Variants in MS4A12 observed in about 807,000 individuals in gnomAD.
The protein encoded by MS4A12 is membrane spanning 4-domains A12, also known as membrane-spanning 4-domains subfamily A member 12.
Under a neutral mutation model 23.7 loss-of-function variants are expected in MS4A12, and 28 were observed. The ratio of observed to expected loss-of-function variants is 1.18; its 90% CI spans 0.88 to 1.62. The LOEUF (loss-of-function observed/expected upper bound fraction) is 1.62, where lower values mean the gene tolerates loss of function less well. Ranked by LOEUF, MS4A12 falls within the 40% of genes most tolerant of loss-of-function variation. MS4A12 has a pLI of 0.00. For synonymous variants in MS4A12, 108 were observed against 110.1 expected (o/e 0.98, Z 0.12); for missense variants, 342 against 327.0 (o/e 1.05, Z -0.35).
rs780842864 is a variant in MS4A12, at chr11:60,497,465, T to C, written c.147T>C (p.Ala49=). 1.2e-6 allele frequency: 2 copies of C among 1,614,190 alleles called. No individual in the cohort carries two copies. The highest frequency in any genetic ancestry group is 3.3e-5 in the Admixed American group (2 of 60,026). The change falls in exon 2 of 7, where the codon GCT becomes GCC. Residue 49 remains alanine, a synonymous_variant. Coordinates refer to ENST00000016913, the MANE Select transcript of MS4A12 (RefSeq NM_017716.3). ...LENQAQGAQR[A]QPYGITSPGI... ...ACCAAGCTCAGGGTGCTCAGCGTGC[T>C]CAGCCCTACGGCATCACATCTCCGG...
chr11:60,505,387 A>G (rs2086562325), intron 5 of MS4A12, among the ~76,000 whole-genome samples: 1 of 152,152 alleles, frequency 6.6e-6, no homozygotes, highest in Non-Finnish European at 1.5e-5. Flanking sequence ...ACAAGATGAG[A>G]TTTGGGTGGG....
intron 1 of MS4A12, among the ~76,000 whole-genome samples, chr11:60,495,831 A>C (rs2086483862): frequency 6.6e-6 from 1 of 152,218 alleles, no homozygotes; most frequent in Admixed American, 6.5e-5. Flanking sequence ...ATCACAAAGA[A>C]GTTAATCCGG....
At chr11:60,494,254 T>C (rs1234108862) in intron 1 of MS4A12, among the ~76,000 whole-genome samples, 1 of 152,192 alleles carries the variant, frequency 6.6e-6, no homozygotes, top group Non-Finnish European at 1.5e-5. Flanking sequence ...TAATCTGGGT[T>C]CTATGTGAAA....
intron 1 of MS4A12, among the ~76,000 whole-genome samples, chr11:60,494,993 T>C (rs1434327066): frequency 7.9e-6 from 1 of 126,282 alleles, no homozygotes; most frequent in Non-Finnish European, 1.6e-5. Flanking sequence ...CAAATGTGTT[T>C]ACATTTTTTT....
intron 4 of MS4A12, among the ~76,000 whole-genome samples, chr11:60,503,455 A>G (rs779661198): frequency 1.3e-5 from 2 of 152,202 alleles, no homozygotes; most frequent in Non-Finnish European, 2.9e-5. Flanking sequence ...GTAAAATCCA[A>G]TAGATGAGTG....
In MS4A12 at chr11:60,499,603, A is replaced by G. The variant is rs542430024; in HGVS notation, c.277-1442A>G. ...GTGCAAGAATAATTTTTCAGGGAGAAAGGTTCATGGTTTTTATTGATGTCT... is the reference window on the plus strand; with the variant it reads ...GTGCAAGAATAATTTTTCAGGGAGAGAGGTTCATGGTTTTTATTGATGTCT... On this transcript the variant is annotated intron_variant, in intron 2 of 6. Coordinates refer to ENST00000016913, the MANE Select transcript of MS4A12 (RefSeq NM_017716.3). 8.5e-5 allele frequency among the ~76,000 whole-genome samples: 13 copies of G among 152,334 alleles called. No homozygotes were observed. The South Asian group carries it at 2.7e-3, about 32-fold the overall frequency.
chr11:60,500,045 C>T (rs2086518115), intron 2 of MS4A12, among the ~76,000 whole-genome samples: 1 of 99,734 alleles, frequency 1.0e-5, no homozygotes, highest in African/African-American at 4.0e-5. Flanking sequence ...CCAGACCTTC[C>T]TGGCTAACCC....
intron 1 of MS4A12, among the ~76,000 whole-genome samples, chr11:60,493,583 C>T (rs1402609133): frequency 6.6e-6 from 1 of 152,120 alleles, no homozygotes; most frequent in Non-Finnish European, 1.5e-5. Flanking sequence ...GTACTTCTTT[C>T]TGACAAGAAA....
intron 4 of MS4A12, among the ~76,000 whole-genome samples, chr11:60,502,716 AAAG>A (rs1280360375): frequency 3.9e-5 from 6 of 152,250 alleles, no homozygotes; most frequent in Admixed American, 3.9e-4. Flanking sequence ...CCAGTACAAG[AAAG>A]AAGAACGGGG....
chr11:60,501,570 C>T (rs1036271316), intron 3 of MS4A12, among the ~76,000 whole-genome samples: 3 of 152,004 alleles, frequency 2.0e-5, no homozygotes, highest in African/African-American at 7.3e-5. Context: ...GCAAGTAAGC[C>T]AGGCATAGTG....
chr11:60,506,379 CT>C (rs1450375341), intron 5 of MS4A12, among the ~76,000 whole-genome samples: 1 of 152,088 alleles, frequency 6.6e-6, no homozygotes, highest in Non-Finnish European at 1.5e-5. Context: ...TTTCTAAACA[CT>C]GGCATTTGGA....
At chr11:60,493,984 T>G (rs879721104) in intron 1 of MS4A12, among the ~76,000 whole-genome samples, 1 of 152,102 alleles carries the variant, frequency 6.6e-6, no homozygotes, top group African/African-American at 2.4e-5. Context: ...ATTCTTATTT[T>G]TAAAAAAAGG....
Position 60,503,787 on chromosome 11 carries a change from T to A in MS4A12, c.558T>A (p.Asn186Lys). 1 of 1,613,980 alleles carries A rather than the reference T, an allele frequency of 6.2e-7. No individual in the cohort carries two copies. The change falls in exon 5 of 7, where the codon AAT (asparagine) becomes AAA (lysine). Residue 186 changes from asparagine (N) to lysine (K), a missense_variant. Coordinates refer to ENST00000016913, the MANE Select transcript of MS4A12 (RefSeq NM_017716.3). Reference protein sequence around the residue: ...VILLLVDMCINGVAGQDYWAV... With the variant: ...VILLLVDMCIKGVAGQDYWAV... ...TGCTGCTGGTGGATATGTGCATCAATGGGGTAGCTGGCCAAGACTACTGGG... is the reference window on the plus strand; with the variant it reads ...TGCTGCTGGTGGATATGTGCATCAAAGGGGTAGCTGGCCAAGACTACTGGG...
intron 5 of MS4A12, among the ~76,000 whole-genome samples, chr11:60,504,804 T>G (rs1372207970): frequency 6.6e-6 from 1 of 152,058 alleles, no homozygotes; most frequent in Non-Finnish European, 1.5e-5. Context: ...AACTAAAGGG[T>G]TCTGAAATCC....
At chr11:60,497,824 A>T (rs752468651) in intron 2 of MS4A12, 1 of 496,696 alleles carries the variant, frequency 2.0e-6, no homozygotes, top group Non-Finnish European at 3.5e-6. Flanking sequence ...AGAATTTGGT[A>T]ATATTGACGT....
chr11:60,506,165 AGAAAGC>A (rs1299430910), intron 5 of MS4A12, among the ~76,000 whole-genome samples: 10 of 152,244 alleles, frequency 6.6e-5, no homozygotes, highest in Non-Finnish European at 1.2e-4. Context: ...CTGATCAAAT[AGAAAGC>A]CTGTATAGAG....
Position 60,502,058 on chromosome 11 carries a change from A to G in MS4A12, c.471+19A>G. 1 of 1,592,132 alleles carries G rather than the reference A, an allele frequency of 6.3e-7. No homozygotes were observed. The highest frequency in any genetic ancestry group is 1.1e-5 in the South Asian group (1 of 90,342). On this transcript the variant is annotated intron_variant, in intron 4 of 6. Transcript: ENST00000016913. Reference sequence around the variant, plus strand: ...TTGTCTGGTAAGTTAGACTGTCTCTACTTTTTGAACCCCTTTAAAGATTAG... The same window carrying G: ...TTGTCTGGTAAGTTAGACTGTCTCTGCTTTTTGAACCCCTTTAAAGATTAG...
chr11:60,501,269 C>T, intron 3 of MS4A12, 87 bp downstream of exon 3: 1 of 1,337,322 alleles, frequency 7.5e-7, no homozygotes, highest in East Asian at 2.6e-5. Context: ...CCAGCCAATT[C>T]ACAACTCATT....
At chr11:60,497,723 T>C (rs2086501059) in intron 2 of MS4A12, 129 bp downstream of exon 2, 2 of 1,060,836 alleles carry the variant, frequency 1.9e-6, no homozygotes, top group Non-Finnish European at 2.7e-6. Context: ...TAGACAGAAA[T>C]ATTTAGTCTG....
Sources: allele counts gnomAD v4.1 joint callset (sites outside exome capture counted in the v4.1 genomes callset), GRCh38; gene constraint gnomAD v4.1.1; transcripts MANE v1.5; gene names NCBI Gene and HGNC (gene_info 2026-07-23, HGNC 2026-07-21).